The following ZNF433 variants were observed in gnomAD, a reference collection of about 807,000 sequenced individuals.
The protein encoded by ZNF433 is zinc finger protein 433.
Under a neutral mutation model 10.6 loss-of-function variants are expected in ZNF433, and 12 were observed. The observed-to-expected ratio is 1.13, with a 90% CI of 0.72 to 1.83. ZNF433 has a LOEUF of 1.83. Ranked by LOEUF, ZNF433 falls within the 40% of genes most tolerant of loss-of-function variation. The pLI is 0.00. For missense variants in ZNF433, 737 were observed against 798.0 expected, an observed-to-expected ratio of 0.92 and a Z score of 0.92; for synonymous variants, 272 against 271.3, an observed-to-expected ratio of 1.00 and a Z score of -0.02.
In ZNF433 at chr19:12,015,638, C is replaced by T. The variant is rs146599445; in HGVS notation, c.1220G>A (p.Arg407Gln). The T allele has an allele frequency of 1.5e-4, 241 of 1,612,012 alleles. No homozygotes were observed. In the East Asian group the frequency reaches 4.8e-3, roughly 32 times the overall value. ...TCCAGTGTGAGTTCTTTCATGATAT[C>T]GGAAGGAACTGGAAGAATTAAAGGC... is the stretch of plus-strand genomic sequence containing the variant. ...GKAFNSSSSFRYHERTHTGEK... is the reference protein window; with the variant it reads ...GKAFNSSSSFQYHERTHTGEK... Residue 407 changes from arginine to glutamine, a missense_variant, in exon 4 of 4, where the codon CGA becomes CAA. Arg to Gln is a conservative substitution (Grantham distance 43, BLOSUM62 1). Transcript: ENST00000550507.
intron 3 of ZNF433, among the ~76,000 whole-genome samples, chr19:12,016,912 T>A (rs1243508326): frequency 1.3e-5 from 2 of 152,038 alleles, no homozygotes; most frequent in African/African-American, 2.4e-5. Flanking sequence ...CCCAGCTAAT[T>A]TTTTGTATTT....
At chr19:12,031,915 G>T (rs112045454) in intron 1 of ZNF433, among the ~76,000 whole-genome samples, 9,015 of 141,972 alleles carry the variant, frequency 0.063, 502 homozygotes, top group African/African-American at 0.15. Flanking sequence ...ATCCTGCAAA[G>T]AACTGTTTTT....
At chr19:12,020,987 T>TC (rs1248207590) in intron 1 of ZNF433, among the ~76,000 whole-genome samples, 2 of 149,558 alleles carry the variant, frequency 1.3e-5, no homozygotes, top group African/African-American at 4.9e-5. Context: ...TTTTTTTTTC[T>TC]TTTTTTTTGA....
intron 1 of ZNF433, chr19:12,026,858 G>T (rs1440936446): frequency 4.4e-6 from 2 of 453,942 alleles, no homozygotes; most frequent in South Asian, 3.1e-5. Context: ...TGAACAAAAT[G>T]GTCAGATGGT....
At chr19:12,034,669 A>T in intron 1 of ZNF433, 1 of 363,190 alleles carries the variant, frequency 2.8e-6, no homozygotes, top group Non-Finnish European at 5.5e-6. Context: ...CATATGACAG[A>T]TACCAGACCC....
At chr19:12,035,206 C>T (rs2043445907) in intron 1 of ZNF433, among the ~76,000 whole-genome samples, 1 of 152,218 alleles carries the variant, frequency 6.6e-6, no homozygotes, top group Admixed American at 6.5e-5. Flanking sequence ...CCTACACAAA[C>T]CCCCACACCC....
Position 12,015,165 on chromosome 19 carries a change from C to T in ZNF433, c.1693G>A (p.Gly565Arg). 1.2e-6 allele frequency: 2 copies of T among 1,614,020 alleles called. No homozygotes were observed. The highest frequency in any genetic ancestry group is 8.5e-7 in the Non-Finnish European group (1 of 1,179,918). Residue 565 changes from glycine to arginine, a missense_variant, in exon 4 of 4, where the codon GGG (glycine) becomes AGG (arginine). Gly to Arg is a moderately radical substitution (Grantham distance 125). Transcript: ENST00000550507. ...TGTGAGGCAGATCCAAAGGCTTTCC[C>T]ACACTGCTTACATTCATAAGGTTTC... ...GEKPYECKQC[G>R]KAFGSASHLQ... is the part of the protein sequence containing the mutation.
chr19:12,019,824 A>G lies in ZNF433; in HGVS notation c.4-1532T>C, dbSNP rs550222982. On this transcript the variant is annotated intron_variant, in intron 1 of 3. Transcript: ENST00000550507. ...GCAAAAAGCTAGGCACAAAAAGAAA[A>G]TTACAGTATAATTCACCTTAGATGA... Among the ~76,000 whole-genome samples the G allele has an allele frequency of 3.9e-5, 6 of 152,368 alleles. No homozygotes were observed. The South Asian group carries it at 1.2e-3, about 32-fold the overall frequency.
At position 12,014,886 on chromosome 19, in the gene ZNF433, G is replaced by C; in HGVS notation, c.1972C>G (p.Leu658Val). 1 of 1,609,550 alleles carries C rather than the reference G, an allele frequency of 6.2e-7. No individual in the cohort carries two copies. Among genetic ancestry groups the C allele is most frequent in the Non-Finnish European group, 8.5e-7 (1 of 1,177,390 alleles). The change falls in exon 4 of 4, where the codon CTT (leucine) becomes GTT (valine). Residue 658 changes from leucine to valine, a missense_variant. Leu to Val is a conservative substitution (Grantham distance 32). Coordinates refer to ENST00000550507, the MANE Select transcript of ZNF433 (RefSeq NM_001308348.2). ...CGKVFRCSSQ[L>V]QVHGRAHCID... is the part of the protein sequence containing the mutation. The stretch of plus-strand genomic sequence containing the variant: ...CAGTGAGCCCTTCCATGCACTTGAA[G>C]TTGTGAAGAACATCTAAAGACTTTA...
intron 3 of ZNF433, 77 bp from the exon 4 acceptor site, chr19:12,016,743 C>G: frequency 6.6e-6 from 10 of 1,511,870 alleles, no homozygotes; most frequent in Non-Finnish European, 8.8e-6. Flanking sequence ...ATTGCACTTG[C>G]ATTTTTTCTC....
intron 1 of ZNF433, chr19:12,027,099 C>G (rs564499477): frequency 7.7e-5 from 35 of 452,094 alleles, no homozygotes; most frequent in African/African-American, 6.8e-4. Flanking sequence ...TTTAAAGCAT[C>G]CCAGGCACAC....
chr19:12,030,019 T>C (rs1974932627), intron 1 of ZNF433: 1 of 214,254 alleles, frequency 4.7e-6, no homozygotes, highest in African/African-American at 2.7e-5. Context: ...GAGGCAGAGG[T>C]TGCAGTAAGC....
In ZNF433 at chr19:12,015,757, T is replaced by C. The variant is rs764564861; in HGVS notation, c.1101A>G (p.Ile367Met). Residue 367 changes from isoleucine (I) to methionine (M), a missense_variant, in exon 4 of 4, where the codon ATA (isoleucine) becomes ATG (methionine). Coordinates refer to ENST00000550507, the MANE Select transcript of ZNF433 (RefSeq NM_001308348.2). ...HTGEISHKCK[I>M]CGKAFYSPSS... is the part of the protein sequence containing the mutation. ...TGGGAGAATAAAAGGCTTTCCCACA[T>C]ATCTTACATTTATGAGATATCTCTC... 6.2e-7 allele frequency: 1 copy of C among 1,613,784 alleles called. No homozygotes were observed. Among genetic ancestry groups the C allele is most frequent in the Non-Finnish European group, 8.5e-7 (1 of 1,179,938 alleles).
chr19:12,016,675 A>G lies in ZNF433; in HGVS notation c.192-9T>C. 1 of 1,611,076 alleles carries G rather than the reference A, an allele frequency of 6.2e-7. No homozygotes were observed. Among genetic ancestry groups the G allele is most frequent in the Non-Finnish European group, 8.5e-7 (1 of 1,179,008 alleles). ...GTCTCTCTCCCACAATTCTGTGAAC[A>G]ATAAGAAGTACATTATAATGGGTTT... On this transcript the variant is annotated splice_polypyrimidine_tract_variant and intron_variant, in intron 3 of 3. Coordinates refer to ENST00000550507, the MANE Select transcript of ZNF433 (RefSeq NM_001308348.2).
Position 12,015,381 on chromosome 19 carries a change from G to A in ZNF433, c.1477C>T (p.His493Tyr), listed in dbSNP as rs374442670. The stretch of plus-strand genomic sequence containing the variant: ...TTTCCTCCAGTGTGAGTCCTTTCAT[G>A]TCTATGAAATAAACTGGGCAAACTG... ...TFSLPSLFHR[H>Y]ERTHTGGKTY... The change falls in exon 4 of 4, where the codon CAT becomes TAT. Residue 493 changes from histidine (H) to tyrosine (Y), a missense_variant. Physicochemically the swap from His to Tyr is moderately conservative, Grantham distance 83 (BLOSUM62 2). Coordinates refer to ENST00000550507, the MANE Select transcript of ZNF433 (RefSeq NM_001308348.2). 3 of 1,614,102 alleles carry A rather than the reference G, an allele frequency of 1.9e-6. No individual in the cohort carries two copies. In the African/African-American group the frequency reaches 4.0e-5, roughly 22 times the overall value.
At chr19:12,033,605 A>G (rs979155967) in intron 1 of ZNF433, among the ~76,000 whole-genome samples, 11 of 152,060 alleles carry the variant, frequency 7.2e-5, no homozygotes, top group Non-Finnish European at 1.2e-4. Flanking sequence ...GGTGGATCAC[A>G]AGGTCAGGAG....
At chr19:12,028,879 C>T (rs541902949) in intron 1 of ZNF433, among the ~76,000 whole-genome samples, 6 of 152,158 alleles carry the variant, frequency 3.9e-5, no homozygotes, top group East Asian at 3.9e-4. Context: ...TTTGTGAAGA[C>T]GGGGTCTCTT....
chr19:12,023,391 C>A (rs984995666), intron 1 of ZNF433: 3 of 152,190 alleles, frequency 2.0e-5, no homozygotes, highest in Admixed American at 2.0e-4. Flanking sequence ...GTTATAGCTA[C>A]TTCTGTTCCC....
At chr19:12,017,823 C>A in intron 3 of ZNF433, 53 bp downstream of exon 3, 1 of 1,027,046 alleles carries the variant, frequency 9.7e-7, no homozygotes, top group Non-Finnish European at 1.4e-6. Flanking sequence ...ACATTTTCTC[C>A]CATTCTAAGA....
Sources: allele counts gnomAD v4.1 joint callset (sites outside exome capture counted in the v4.1 genomes callset), GRCh38; gene constraint gnomAD v4.1.1; transcripts MANE v1.5; gene names NCBI Gene and HGNC (gene_info 2026-07-23, HGNC 2026-07-21).